FBXW8: variants seen among roughly 807,000 people sequenced by gnomAD.
The protein encoded by FBXW8 is F-box and WD repeat domain containing 8, also known as F-box/WD repeat-containing protein 8.
FBXW8 carries 57 observed loss-of-function variants against 65.3 expected under a neutral mutation model. That is an observed-to-expected ratio of 0.87 (90% CI 0.71 to 1.09). The LOEUF (loss-of-function observed/expected upper bound fraction) is 1.09. Among genes scored for constraint, FBXW8 ranks in the 50% least tolerant of loss-of-function variants. The pLI, the probability that FBXW8 is intolerant of heterozygous loss-of-function variation, is 0.00. For synonymous variants in FBXW8, 308 were observed against 330.2 expected (o/e 0.93, Z 0.73); for missense variants, 777 against 814.8 (o/e 0.95, Z 0.57).
intron 7 of FBXW8, among the ~76,000 whole-genome samples, chr12:116,995,690 T>A (rs1953357583): frequency 6.6e-6 from 1 of 152,216 alleles, no homozygotes; most frequent in South Asian, 2.1e-4. Context: ...TGATGTTGCA[T>A]TCTTGGGTTC....
chr12:116,975,125 G>A (rs538397313), intron 5 of FBXW8, among the ~76,000 whole-genome samples: 3 of 152,342 alleles, frequency 2.0e-5, no homozygotes, highest in Admixed American at 2.0e-4. Context: ...TTGAATTGCT[G>A]TATGGGAAAG....
Position 116,911,343 on chromosome 12 carries a change from C to T in FBXW8, c.306C>T (p.Leu102=). ...AGGGEQLVDQ[L]IRDLNEMNDV... ...GCGGGGAGCAGCTGGTGGACCAGCTCATCCGCGACCTGGTGAGTGGCCGTC... is the reference window on the plus strand; with the variant it reads ...GCGGGGAGCAGCTGGTGGACCAGCTTATCCGCGACCTGGTGAGTGGCCGTC... Residue 102 remains leucine, a synonymous_variant, in exon 1 of 11, where the codon CTC becomes CTT. Coordinates refer to ENST00000652555, the MANE Select transcript of FBXW8 (RefSeq NM_153348.3). The T allele has an allele frequency of 1.6e-6, 2 of 1,280,562 alleles. No homozygotes were observed. The highest frequency in any genetic ancestry group is 3.1e-5 in the East Asian group (1 of 32,118). The allele number at this position is 1,280,562 out of a possible 1,614,324, so 79.3% of individuals were successfully genotyped here.
chr12:116,983,614 A>C (rs1333262984), intron 5 of FBXW8, among the ~76,000 whole-genome samples: 1 of 152,254 alleles, frequency 6.6e-6, no homozygotes, highest in African/African-American at 2.4e-5. Context: ...ACAAAGTAGA[A>C]GGCAAGAAAA....
At chr12:116,931,443 AT>A (rs1159630765) in intron 2 of FBXW8, among the ~76,000 whole-genome samples, 1 of 151,554 alleles carries the variant, frequency 6.6e-6, no homozygotes, top group Non-Finnish European at 1.5e-5. Context: ...TTTTATAGAG[AT>A]TGCATTTCAC....
chr12:116,931,335 T>G (rs1881756336), intron 2 of FBXW8, among the ~76,000 whole-genome samples: 2 of 152,268 alleles, frequency 1.3e-5, no homozygotes, highest in Admixed American at 6.5e-5. Context: ...AGCATTGTTC[T>G]TTTTGCTCAG....
intron 5 of FBXW8, among the ~76,000 whole-genome samples, chr12:116,984,077 GCC>G (rs1226637838): frequency 6.6e-6 from 1 of 152,180 alleles, no homozygotes; most frequent in Non-Finnish European, 1.5e-5. Context: ...GCATTAACCA[GCC>G]TAATGCAGAG....
At chr12:116,914,572 C>CAAAAAAAAA (rs142680270) in intron 1 of FBXW8, among the ~76,000 whole-genome samples, 1 of 83,790 alleles carries the variant, frequency 1.2e-5, no homozygotes, top group African/African-American at 5.8e-5. Flanking sequence ...AACCCTGTCT[C>CAAAAAAAAA]AAAAAAAAAA....
rs1314153069 is a variant in FBXW8 at position 116,961,197 on chromosome 12, T to C, written c.678-3500T>C. On this transcript the variant is annotated intron_variant, in intron 4 of 10. Transcript: ENST00000652555. This position sits in a 1 kb window ranked among gnomAD's most constrained non-coding sequence, Gnocchi z 4.4. ...TTTTAGTAGAGACGAGGTTTCACCC[T>C]GTTGGCCAGGCTGGTCTCAACCTCC... is the stretch of plus-strand genomic sequence containing the variant. Among the ~76,000 whole-genome samples, 1 of 152,196 alleles carries C rather than the reference T, an allele frequency of 6.6e-6. No homozygotes were observed. Among genetic ancestry groups the C allele is most frequent in the Non-Finnish European group, 1.5e-5 (1 of 68,032 alleles).
intron 1 of FBXW8, among the ~76,000 whole-genome samples, chr12:116,918,057 T>G (rs1296580793): frequency 6.6e-6 from 1 of 152,014 alleles, no homozygotes; most frequent in Non-Finnish European, 1.5e-5. Context: ...TATGAAGCTT[T>G]TAGTAATAGC....
chr12:116,916,911 T>TGAGAGA lies in FBXW8; in HGVS notation c.318+5567_318+5572dup, dbSNP rs112182660. Among the ~76,000 whole-genome samples, 33 of 145,716 alleles carry TGAGAGA rather than the reference T, an allele frequency of 2.3e-4. 1 individual carries two copies. The highest frequency in any genetic ancestry group is 1.0e-3 in the East Asian group (5 of 4,918). On this transcript the variant is annotated intron_variant, in intron 1 of 10. Coordinates refer to ENST00000652555, the MANE Select transcript of FBXW8 (RefSeq NM_153348.3). ...GTGCGTGTGTGTGTGTGTGTGTGTG[T>TGAGAGA]GAGAGAGAGAGAGAGAAAGAGGTGT...
At chr12:117,025,559 C>A (rs1954205479) in intron 9 of FBXW8, among the ~76,000 whole-genome samples, 1 of 152,328 alleles carries the variant, frequency 6.6e-6, no homozygotes, top group African/African-American at 2.4e-5. Flanking sequence ...GGGTTACATG[C>A]AGAATGGGCT....
chr12:116,951,829 T>C (rs980126924), intron 4 of FBXW8, among the ~76,000 whole-genome samples: 1 of 152,204 alleles, frequency 6.6e-6, no homozygotes, highest in Non-Finnish European at 1.5e-5. Flanking sequence ...CTGAAAATAG[T>C]CACTCGTTGA....
At chr12:116,924,221 G>A (rs961778117) in intron 1 of FBXW8, among the ~76,000 whole-genome samples, 2 of 151,986 alleles carry the variant, frequency 1.3e-5, no homozygotes, top group South Asian at 2.1e-4. Flanking sequence ...TTGGGTTAAC[G>A]TGGCCCATAA....
intron 5 of FBXW8, among the ~76,000 whole-genome samples, chr12:116,967,869 C>T (rs752941151): frequency 7.9e-5 from 12 of 152,230 alleles, no homozygotes; most frequent in Non-Finnish European, 1.6e-4. Context: ...TGGGGTCAGG[C>T]GATTCTCCTG....
chr12:116,991,505 TTTGC>T, intron 7 of FBXW8, among the ~76,000 whole-genome samples: 1 of 152,222 alleles, frequency 6.6e-6, no homozygotes, highest in African/African-American at 2.4e-5. Flanking sequence ...TTGGTGTCAC[TTTGC>T]TTGCGAATAC....
chr12:116,942,871 G>A (rs557233243), intron 2 of FBXW8, among the ~76,000 whole-genome samples: 63 of 144,140 alleles, frequency 4.4e-4, no homozygotes, highest in African/African-American at 1.5e-3. Context: ...TCTGCCTCCC[G>A]GGTTCAAATG....
intron 1 of FBXW8, among the ~76,000 whole-genome samples, chr12:116,921,360 G>C (rs1194110426): frequency 1.3e-5 from 2 of 152,230 alleles, no homozygotes; most frequent in Admixed American, 6.5e-5. Flanking sequence ...AATGTTAAGA[G>C]ACGAATTGTT....
chr12:116,974,857 G>A (rs1280067798), intron 5 of FBXW8, among the ~76,000 whole-genome samples: 3 of 152,166 alleles, frequency 2.0e-5, no homozygotes, highest in Admixed American at 1.3e-4. Context: ...ATAAATACAA[G>A]ATGAATCTGG....
rs889776216 is a variant in FBXW8 at position 117,000,893 on chromosome 12, A to G, written c.1240-9430A>G. 3.9e-5 allele frequency among the ~76,000 whole-genome samples: 6 copies of G among 152,376 alleles called. No individual in the cohort carries two copies. In the East Asian group the frequency reaches 9.6e-4, roughly 24 times the overall value. On this transcript the variant is annotated intron_variant, in intron 7 of 10. Coordinates refer to ENST00000652555, the MANE Select transcript of FBXW8 (RefSeq NM_153348.3). ...ACAGGAAAGACATTGTGATATGGTCACAAAGTGGCGCAGGAATGACACGAG... is the reference window on the plus strand; with the variant it reads ...ACAGGAAAGACATTGTGATATGGTCGCAAAGTGGCGCAGGAATGACACGAG...
Sources: allele counts gnomAD v4.1 joint callset (sites outside exome capture counted in the v4.1 genomes callset), GRCh38; gene constraint gnomAD v4.1.1; non-coding constraint Gnocchi (gnomAD v3.1); transcripts MANE v1.5; gene names NCBI Gene and HGNC (gene_info 2026-07-23, HGNC 2026-07-21).